ANO3: variants seen among roughly 807,000 people sequenced by gnomAD.
ANO3 encodes anoctamin 3.
Under a neutral mutation model 144.8 loss-of-function variants are expected in ANO3, and 99 were observed. That is an observed-to-expected ratio of 0.68 (90% confidence interval 0.58 to 0.81). ANO3 has a LOEUF of 0.81. Among genes scored for constraint, ANO3 ranks in the 30% least tolerant of loss-of-function variants. ANO3 has a pLI of 0.00. For synonymous variants in ANO3, 414 were observed against 392.6 expected (o/e 1.05, Z -0.64); for missense variants, 905 against 1,202.2 (o/e 0.75, Z 3.66).
chr11:26,245,560 T>C (rs1419306979), intron 1 of ANO3, among the ~76,000 whole-genome samples: 2 of 152,224 alleles, frequency 1.3e-5, no homozygotes, highest in Admixed American at 6.5e-5. Context: ...ATTTTTTCCT[T>C]CTACTTTTTA....
intron 14 of ANO3, among the ~76,000 whole-genome samples, chr11:26,580,683 T>C (rs1352427681): frequency 6.6e-6 from 1 of 152,232 alleles, no homozygotes; most frequent in African/African-American, 2.4e-5. Flanking sequence ...TTAACTACAC[T>C]ATATCTACAA....
intron 5 of ANO3, among the ~76,000 whole-genome samples, chr11:26,509,389 T>G (rs294023): frequency 0.028 from 4,185 of 152,094 alleles, 169 homozygotes; most frequent in African/African-American, 0.091. Flanking sequence ...GATCTTGGCT[T>G]AATGCAACCT....
chr11:26,451,267 C>T (rs955085534), intron 3 of ANO3, among the ~76,000 whole-genome samples: 27 of 152,252 alleles, frequency 1.8e-4, no homozygotes, highest in Admixed American at 4.6e-4. Flanking sequence ...CTGCATGAGC[C>T]GAAGCAGGGC....
intron 1 of ANO3, among the ~76,000 whole-genome samples, chr11:26,364,193 A>T (rs543990919): frequency 1.3e-5 from 2 of 152,072 alleles, no homozygotes; most frequent in East Asian, 3.9e-4. Context: ...CAAATAAGAA[A>T]TTTTTTTTAG....
At chr11:26,558,682 A>G (rs1283452773) in intron 13 of ANO3, among the ~76,000 whole-genome samples, 1 of 152,168 alleles carries the variant, frequency 6.6e-6, no homozygotes, top group Non-Finnish European at 1.5e-5. Flanking sequence ...ATAATGCCAC[A>G]TTATAGGAAA....
intron 1 of ANO3, among the ~76,000 whole-genome samples, chr11:26,425,222 A>AATAAAT (rs1250282222): frequency 6.6e-6 from 1 of 152,102 alleles, no homozygotes; most frequent in African/African-American, 2.4e-5. Context: ...TAAACAAATA[A>AATAAAT]ATAAATATTT....
At chr11:26,389,102 T>C (rs1309933169) in intron 1 of ANO3, among the ~76,000 whole-genome samples, 1 of 152,184 alleles carries the variant, frequency 6.6e-6, no homozygotes, top group East Asian at 1.9e-4. Flanking sequence ...CTTAGGATAA[T>C]TGTGTTTGAT....
rs1435821168 is a variant in ANO3 at position 26,555,676 on chromosome 11, TCTGA to T, written c.1386+2334_1386+2337del. 6.6e-5 allele frequency among the ~76,000 whole-genome samples: 10 copies of T among 152,328 alleles called. No homozygotes were observed. The South Asian group carries it at 1.9e-3, about 28-fold the overall frequency. On this transcript the variant is annotated intron_variant, in intron 13 of 26. Transcript: ENST00000256737. Reference sequence around the variant, plus strand: ...GGATGAAATGTCTTTTATTTGTTCCTCTGACTAAGATAAAATGTAGCTACTTGTT... The same window carrying T: ...GGATGAAATGTCTTTTATTTGTTCCTCTAAGATAAAATGTAGCTACTTGTT...
chr11:26,531,791 A>T (rs1421439283), intron 8 of ANO3, among the ~76,000 whole-genome samples: 1 of 152,210 alleles, frequency 6.6e-6, no homozygotes, highest in East Asian at 1.9e-4. Flanking sequence ...AAAATGAATG[A>T]TAATTTTTAA....
At chr11:26,656,696 G>A (rs1003787798) in intron 26 of ANO3, among the ~76,000 whole-genome samples, 3 of 152,048 alleles carry the variant, frequency 2.0e-5, no homozygotes, top group Non-Finnish European at 4.4e-5. Context: ...CAGGAAATCA[G>A]CGTTAATAAA....
At chr11:26,638,144 G>A (rs956957545) in intron 20 of ANO3, among the ~76,000 whole-genome samples, 4 of 152,088 alleles carry the variant, frequency 2.6e-5, no homozygotes, top group African/African-American at 4.8e-5. Context: ...TCCTTTCCAG[G>A]AGGTAGAATT....
intron 1 of ANO3, among the ~76,000 whole-genome samples, chr11:26,225,699 TC>T (rs2133796886): frequency 6.6e-6 from 1 of 152,300 alleles, no homozygotes; most frequent in East Asian, 1.9e-4. Context: ...CTCTTTTGTT[TC>T]TTATTTATGA....
rs11604868 is a variant in ANO3 at position 26,599,570 on chromosome 11, A to T, written c.1692A>T (p.Ala564=). 6.2e-7 allele frequency: 1 copy of T among 1,613,344 alleles called. No individual in the cohort carries two copies. The highest frequency in any genetic ancestry group is 1.1e-5 in the South Asian group (1 of 91,034). ...IFFMISLVIT[A]VFGVVVYRLV... is the part of the protein sequence containing the mutation. ...TGTAGATATCCTTGGTGATCACTGC[A>T]GTGTTTGGAGTTGTGGTGTACCGCC... Residue 564 remains alanine (A), a synonymous_variant, in exon 17 of 27, where the codon GCA becomes GCT. Coordinates refer to ENST00000256737, the MANE Select transcript of ANO3 (RefSeq NM_031418.4).
At chr11:26,298,928 G>A (rs917465281) in intron 1 of ANO3, among the ~76,000 whole-genome samples, 1 of 152,136 alleles carries the variant, frequency 6.6e-6, no homozygotes, top group South Asian at 2.1e-4. Context: ...TGGGAATGTC[G>A]AGTTTGGACT....
At chr11:26,214,828 C>T (rs762563972) in intron 1 of ANO3, among the ~76,000 whole-genome samples, 1 of 151,836 alleles carries the variant, frequency 6.6e-6, no homozygotes, top group Non-Finnish European at 1.5e-5. Flanking sequence ...CCAATACACC[C>T]CATTACTTTT....
intron 3 of ANO3, among the ~76,000 whole-genome samples, chr11:26,451,718 A>C (rs7947296): frequency 0.87 from 132,864 of 152,142 alleles, 58,601 homozygotes; most frequent in East Asian, 1. Flanking sequence ...TGTCTGACAG[A>C]TTTGAAGAGA....
intron 1 of ANO3, among the ~76,000 whole-genome samples, chr11:26,209,782 A>G (rs7951500): frequency 0.3 from 45,964 of 151,702 alleles, 7,688 homozygotes; most frequent in Non-Finnish European, 0.37. Context: ...CCACATAAAT[A>G]TCTTCTTTTG....
chr11:26,601,609 C>T (rs1265430478), intron 17 of ANO3, among the ~76,000 whole-genome samples: 1 of 152,190 alleles, frequency 6.6e-6, no homozygotes. Context: ...AGGTTGTGCA[C>T]TGCACAAGCA....
intron 14 of ANO3, chr11:26,560,854 G>C (rs1342140774): frequency 4.5e-6 from 2 of 448,170 alleles, no homozygotes; most frequent in South Asian, 4.1e-5. Context: ...AGGCTACTTA[G>C]TAAATGCCTC....
Sources: gnomAD v4.1 joint callset for allele counts (sites outside exome capture counted in the v4.1 genomes callset) on GRCh38, gnomAD v4.1.1 for gene constraint, MANE v1.5 for transcripts, NCBI Gene and HGNC (gene_info 2026-07-23, HGNC 2026-07-21) for gene names.